The following FBRSL1 variants were observed in gnomAD, a reference collection of about 807,000 sequenced individuals.
FBRSL1 encodes the protein fibrosin-1-like protein.
FBRSL1 carries 51 observed loss-of-function variants against 89.6 expected under a neutral mutation model. The observed-to-expected ratio is 0.57, with a 90% CI of 0.45 to 0.72. The LOEUF (loss-of-function observed/expected upper bound fraction) is 0.72, where lower values mean the gene tolerates loss of function less well. FBRSL1 is among the 30% of genes least tolerant of loss of function. The pLI is 0.00. For synonymous variants in FBRSL1, 779 were observed against 681.1 expected (o/e 1.14, Z -2.24); for missense variants, 1,618 against 1,451.8 (o/e 1.11, Z -1.86).
Position 132,577,375 on chromosome 12 carries a change from G to A in FBRSL1, c.1834+444G>A, listed in dbSNP as rs530762072. Among the ~76,000 whole-genome samples the A allele has an allele frequency of 2.6e-4, 40 of 152,278 alleles. 1 individual carries two copies. Among genetic ancestry groups the A allele is most frequent in the African/African-American group, 8.4e-4 (35 of 41,560 alleles). On this transcript the variant is annotated intron_variant, in intron 15 of 18. Transcript: ENST00000680143. ...TGCCCCTTTCTGTCTCCCAGCCCCC[G>A]CTTTCCCAGGAGGAGTTTGGCCTCT...
At chr12:132,527,195 C>T (rs2035859078) in intron 3 of FBRSL1, among the ~76,000 whole-genome samples, 1 of 152,138 alleles carries the variant, frequency 6.6e-6, no homozygotes, top group Non-Finnish European at 1.5e-5. Flanking sequence ...CCAGGGCACC[C>T]TCCCCAAAGT....
intron 7 of FBRSL1, 45 bp from the exon 8 acceptor site, chr12:132,570,290 T>A: frequency 6.6e-7 from 1 of 1,513,200 alleles, no homozygotes; most frequent in Non-Finnish European, 8.8e-7. Flanking sequence ...GGATGGGGGC[T>A]CTGCAGGGGT....
At chr12:132,574,290 G>A (rs1355395772) in intron 12 of FBRSL1, 29 bp from the exon 13 acceptor site, 8 of 1,513,854 alleles carry the variant, frequency 5.3e-6, no homozygotes, top group Non-Finnish European at 7.1e-6. Context: ...GAGGGGCCCG[G>A]ACCTCACACT....
chr12:132,556,484 C>T (rs1199185559), intron 5 of FBRSL1, among the ~76,000 whole-genome samples: 2 of 151,982 alleles, frequency 1.3e-5, no homozygotes, highest in Admixed American at 1.3e-4. Flanking sequence ...CCTCTCCAGG[C>T]CTTCGTGCTG....
chr12:132,548,291 C>T (rs1317322400), intron 5 of FBRSL1, among the ~76,000 whole-genome samples: 1 of 152,184 alleles, frequency 6.6e-6, no homozygotes, highest in Admixed American at 6.5e-5. Flanking sequence ...AGTGCTGCCC[C>T]AGCCAGGAGG....
At position 132,583,577 on chromosome 12, in the gene FBRSL1, C is replaced by G; in HGVS notation, c.2808C>G (p.Ala936=). 9.9e-7 allele frequency: 1 copy of G among 1,010,786 alleles called. No homozygotes were observed. The highest frequency in any genetic ancestry group is 1.2e-6 in the Non-Finnish European group (1 of 847,332). The allele number at this position is 1,010,786 out of a possible 1,614,324, so 62.6% of individuals were successfully genotyped here. ...TGCACTTCCCGCGCCTCTCGCCCGC[C>G]GCGCTGCACAATGGGCTCCTGGCGC... ...GALHFPRLSP[A]ALHNGLLART... The change falls in exon 19 of 19, where the codon GCC becomes GCG. Residue 936 remains alanine (A), a synonymous_variant. Coordinates refer to ENST00000680143, the MANE Select transcript of FBRSL1 (RefSeq NM_001367871.1).
intron 4 of FBRSL1, among the ~76,000 whole-genome samples, chr12:132,539,059 G>C (rs573610304): frequency 4.8e-4 from 73 of 151,748 alleles, no homozygotes; most frequent in Non-Finnish European, 9.0e-4. Flanking sequence ...TCAGTCCTCA[G>C]TTTCCCCATC....
intron 2 of FBRSL1, chr12:132,509,792 G>T: frequency 8.1e-7 from 1 of 1,231,224 alleles, no homozygotes; most frequent in Non-Finnish European, 1.0e-6. Flanking sequence ...AGCGCAGCCG[G>T]CCCCTGTGGT....
intron 5 of FBRSL1, among the ~76,000 whole-genome samples, chr12:132,567,214 C>T (rs2039687613): frequency 6.6e-6 from 1 of 152,190 alleles, no homozygotes; most frequent in Admixed American, 6.5e-5. Context: ...GATCCCCCCA[C>T]AAACCCCGTC....
intron 6 of FBRSL1, among the ~76,000 whole-genome samples, chr12:132,569,210 C>T (rs546695586): frequency 5.6e-4 from 23 of 40,838 alleles, no homozygotes; most frequent in African/African-American, 2.0e-3. Flanking sequence ...TTGGGGTGTG[C>T]GGGGGTGGGG....
chr12:132,490,741 C>A lies in FBRSL1; in HGVS notation c.171C>A (p.Ala57=). ...AGLRGAPPRG[A]APAPRTARPP... Reference sequence around the variant, plus strand: ...TCCGCGGCGCGCCCCCCCGAGGCGCCGCCCCCGCGCCCCGCACCGCGCGTC... The same window carrying A: ...TCCGCGGCGCGCCCCCCCGAGGCGCAGCCCCCGCGCCCCGCACCGCGCGTC... Residue 57 remains alanine (A), a synonymous_variant, in exon 1 of 19, where the codon GCC becomes GCA. Coordinates refer to ENST00000680143, the MANE Select transcript of FBRSL1 (RefSeq NM_001367871.1). 9.9e-7 allele frequency: 1 copy of A among 1,012,234 alleles called. No individual in the cohort carries two copies. The highest frequency in any genetic ancestry group is 4.5e-5 in the South Asian group (1 of 22,226). 62.7% of individuals were successfully genotyped at this position (1,012,234 alleles called of 1,614,324 possible). A position where few individuals can be genotyped will look rare whatever the true frequency, so the allele number is the denominator to read the frequency against.
intron 5 of FBRSL1, among the ~76,000 whole-genome samples, chr12:132,564,157 G>A (rs1474260896): frequency 6.6e-6 from 1 of 152,180 alleles, no homozygotes; most frequent in Non-Finnish European, 1.5e-5. Context: ...CTGTTGATCC[G>A]TCTGCCAGTT....
At chr12:132,513,223 G>A (rs895326414) in intron 2 of FBRSL1, among the ~76,000 whole-genome samples, 6 of 152,172 alleles carry the variant, frequency 3.9e-5, no homozygotes, top group African/African-American at 1.2e-4. Flanking sequence ...CGAGGCCTCC[G>A]GCAAGTGGGA....
intron 13 of FBRSL1, 70 bp from the exon 14 acceptor site, chr12:132,574,423 C>G: frequency 1.3e-6 from 2 of 1,548,342 alleles, no homozygotes; most frequent in Non-Finnish European, 1.7e-6. Context: ...GGGCCCGTGA[C>G]AGCAGGAGTC....
At position 132,583,183 on chromosome 12, in the gene FBRSL1, G is replaced by A; in HGVS notation, c.2414G>A (p.Ser805Asn). ...KMPARASPPHSKAAPGDVKVK... is the reference protein window; with the variant it reads ...KMPARASPPHNKAAPGDVKVK... Reference sequence around the variant, plus strand: ...CCCGCGCGCGCATCCCCGCCCCACAGCAAGGCGGCCCCTGGAGACGTGAAG... The same window carrying A: ...CCCGCGCGCGCATCCCCGCCCCACAACAAGGCGGCCCCTGGAGACGTGAAG... The change falls in exon 19 of 19, where the codon AGC (serine) becomes AAC (asparagine). Residue 805 changes from serine (S) to asparagine (N), a missense_variant. Ser to Asn is a conservative substitution (Grantham distance 46, BLOSUM62 1). Coordinates refer to ENST00000680143, the MANE Select transcript of FBRSL1 (RefSeq NM_001367871.1). 1.4e-6 allele frequency: 2 copies of A among 1,452,522 alleles called. No individual in the cohort carries two copies. Among genetic ancestry groups the A allele is most frequent in the Non-Finnish European group, 1.8e-6 (2 of 1,106,080 alleles). The allele number at this position is 1,452,522 out of a possible 1,614,324, so 90.0% of individuals were successfully genotyped here.
Position 132,582,118 on chromosome 12 carries a change from A to G in FBRSL1, c.2053A>G (p.Ser685Gly), listed in dbSNP as rs1234267000. The G allele has an allele frequency of 2.6e-6, 4 of 1,549,766 alleles. No individual in the cohort carries two copies. The East Asian group carries it at 9.8e-5, about 38-fold the overall frequency. ...GGGCTCCTCCGTGCACGGCCTGCCC[A>G]GCCCCCATGAGGCCTGGAACCGACT... is the stretch of plus-strand genomic sequence containing the variant. ...KEGSSVHGLP[S>G]PHEAWNRLHR... is the part of the protein sequence containing the mutation. Residue 685 changes from serine (S) to glycine (G), a missense_variant, in exon 18 of 19, where the codon AGC becomes GGC. Coordinates refer to ENST00000680143, the MANE Select transcript of FBRSL1 (RefSeq NM_001367871.1).
chr12:132,580,937 C>T (rs1566249173), intron 15 of FBRSL1: 4 of 985,474 alleles, frequency 4.1e-6, no homozygotes, highest in East Asian at 2.3e-4. Context: ...CTGATGTTGA[C>T]GTGGTGCTGT....
chr12:132,519,497 C>G (rs2035158260), intron 2 of FBRSL1, among the ~76,000 whole-genome samples: 1 of 152,248 alleles, frequency 6.6e-6, no homozygotes, highest in Non-Finnish European at 1.5e-5. Context: ...GAGAGTCGTT[C>G]TCCTTCCCAT....
intron 15 of FBRSL1, chr12:132,580,712 G>A (rs2040686731): frequency 1.1e-6 from 1 of 949,230 alleles, no homozygotes; most frequent in Non-Finnish European, 1.3e-6. Flanking sequence ...GGAGGCATGA[G>A]CACCCCATCT....
Sources: allele counts gnomAD v4.1 joint callset (sites outside exome capture counted in the v4.1 genomes callset), GRCh38; gene constraint gnomAD v4.1.1; transcripts MANE v1.5; gene names NCBI Gene and HGNC (gene_info 2026-07-23, HGNC 2026-07-21).